Variants in LAMA2 observed in about 807,000 individuals in gnomAD.
LAMA2 encodes laminin subunit alpha 2.
A neutral mutation model predicts 364.8 loss-of-function variants in LAMA2; 269 were observed. That is an observed-to-expected ratio of 0.74 (90% confidence interval 0.67 to 0.82). The LOEUF (loss-of-function observed/expected upper bound fraction) is 0.82, where lower values mean the gene tolerates loss of function less well. LAMA2 is among the 40% of genes least tolerant of loss of function. LAMA2 has a pLI of 0.00. For missense variants in LAMA2, 3,807 were observed against 3,873.2 expected (o/e 0.98, Z 0.45); for synonymous variants, 1,379 against 1,370.6 (o/e 1.01, Z -0.14).
rs1407519361 is a variant in LAMA2 at position 128,908,391 on chromosome 6, C to T, written c.112+25034C>T. Among the ~76,000 whole-genome samples, 22 of 150,178 alleles carry T rather than the reference C, an allele frequency of 1.5e-4. No individual in the cohort carries two copies. The East Asian group carries it at 4.3e-3, about 29-fold the overall frequency. On this transcript the variant is annotated intron_variant, in intron 1 of 64. Coordinates refer to ENST00000421865, the MANE Select transcript of LAMA2 (RefSeq NM_000426.4). ...GAGTGTATGTGTCGAGGAATTTATC[C>T]ATTTCTTCTAGATTTTCTAGTTTAT...
chr6:129,157,742 C>T (rs1779200522), intron 8 of LAMA2: 1 of 1,612,314 alleles, frequency 6.2e-7, no homozygotes, highest in African/African-American at 1.3e-5. Flanking sequence ...CACTCGGTAC[C>T]ATGTTATAAT....
At chr6:129,039,771 AG>A (rs1786951977) in intron 1 of LAMA2, among the ~76,000 whole-genome samples, 1 of 152,192 alleles carries the variant, frequency 6.6e-6, no homozygotes, top group African/African-American at 2.4e-5. Context: ...TCGCATGCAC[AG>A]TTCACAATAT....
At chr6:129,493,070 G>A (rs964951748) in intron 58 of LAMA2, among the ~76,000 whole-genome samples, 7 of 152,150 alleles carry the variant, frequency 4.6e-5, no homozygotes, top group African/African-American at 1.2e-4. Flanking sequence ...CAGGAGAATC[G>A]CTTGAACCCA....
Position 129,502,703 on chromosome 6 carries a change from C to G in LAMA2, c.8289C>G (p.Ser2763Arg). The change falls in exon 59 of 65, where the codon AGC becomes AGG. Residue 2763 changes from serine to arginine, a missense_variant. Around this residue, in one of 3 missense-constraint regions of LAMA2, gnomAD observed 3,333 missense variants for 3,345.7 expected, o/e 1.00. Coordinates refer to ENST00000421865, the MANE Select transcript of LAMA2 (RefSeq NM_000426.4). ...AESEPALLIG[S>R]KQFGLSRNSH... is the part of the protein sequence containing the mutation. ...CAGAACCAGCTCTTTTGATAGGGAG[C>G]AAGCAGTTCGGGCTTTCAAGAAACA... The G allele has an allele frequency of 6.2e-7, 1 of 1,614,040 alleles. No individual in the cohort carries two copies. Among genetic ancestry groups the G allele is most frequent in the Non-Finnish European group, 8.5e-7 (1 of 1,179,934 alleles).
intron 34 of LAMA2, among the ~76,000 whole-genome samples, chr6:129,372,201 C>T (rs1778128203): frequency 6.6e-6 from 1 of 152,136 alleles, no homozygotes; most frequent in South Asian, 2.1e-4. Context: ...TGGTATTGTA[C>T]ATTCTATGGG....
chr6:129,093,056 A>G (rs1349192825), intron 3 of LAMA2, among the ~76,000 whole-genome samples: 1 of 150,650 alleles, frequency 6.6e-6, no homozygotes, highest in African/African-American at 2.4e-5. Flanking sequence ...ATCTCGGCTC[A>G]CTGCAACCTC....
intron 12 of LAMA2, among the ~76,000 whole-genome samples, chr6:129,224,694 G>A (rs989900203): frequency 2.2e-4 from 33 of 152,132 alleles, no homozygotes; most frequent in Non-Finnish European, 4.1e-4. Context: ...CCACTTGATC[G>A]TGGTGGATAA....
chr6:129,441,805 C>T (rs2114767376), intron 43 of LAMA2, among the ~76,000 whole-genome samples: 1 of 152,026 alleles, frequency 6.6e-6, no homozygotes, highest in South Asian at 2.1e-4. Context: ...ATAGCAAGAC[C>T]CCATCTTTAC....
intron 2 of LAMA2, among the ~76,000 whole-genome samples, chr6:129,056,219 C>T (rs1367134894): frequency 1.3e-5 from 2 of 152,088 alleles, no homozygotes; most frequent in Non-Finnish European, 2.9e-5. Context: ...GAAGAAGTGC[C>T]AACAATATTT....
At chr6:129,356,696 T>C (rs1447940416) in intron 32 of LAMA2, among the ~76,000 whole-genome samples, 1 of 152,140 alleles carries the variant, frequency 6.6e-6, no homozygotes, top group Non-Finnish European at 1.5e-5. Flanking sequence ...TTTATTCATT[T>C]ACTGCTTCCA....
rs995380040 is a variant in LAMA2, at chr6:129,402,520, T to G, written c.5726+33T>G. ...ATTTGTTTTTGGAAATGTTTGTGTA[T>G]TTTGATGCTTGTCCAAAGGTTTTGA... On this transcript the variant is annotated intron_variant, in intron 39 of 64. Coordinates refer to ENST00000421865, the MANE Select transcript of LAMA2 (RefSeq NM_000426.4). 6 of 1,603,018 alleles carry G rather than the reference T, an allele frequency of 3.7e-6. No homozygotes were observed. The African/African-American group carries it at 8.0e-5, about 21-fold the overall frequency.
intron 23 of LAMA2, among the ~76,000 whole-genome samples, chr6:129,314,398 CAAAAAAAA>C (rs3062342): frequency 1.5e-4 from 12 of 81,890 alleles, no homozygotes; most frequent in East Asian, 7.5e-4. Context: ...GACTCCGTCT[CAAAAAAAA>C]AAAAAAAAAA....
chr6:129,302,779 T>C (rs1773626592), intron 22 of LAMA2, among the ~76,000 whole-genome samples: 1 of 152,130 alleles, frequency 6.6e-6, no homozygotes, highest in Non-Finnish European at 1.5e-5. Flanking sequence ...ACTATATATA[T>C]GTTTATGCAT....
rs187394090 is a variant in LAMA2, at chr6:129,126,696, T to A, written c.640-17205T>A. Among the ~76,000 whole-genome samples, 143 of 152,100 alleles carry A rather than the reference T, an allele frequency of 9.4e-4. No homozygotes were observed. The Middle Eastern group carries it at 0.01, about 11-fold the overall frequency. On this transcript the variant is annotated intron_variant, in intron 4 of 64. Coordinates refer to ENST00000421865, the MANE Select transcript of LAMA2 (RefSeq NM_000426.4). Reference sequence around the variant, plus strand: ...CTGAATATATCATCAATACAAATTTTAAAAAAAATAAGTTTGTAAATTCAG... The same window carrying A: ...CTGAATATATCATCAATACAAATTTAAAAAAAAATAAGTTTGTAAATTCAG...
chr6:129,170,000 G>A (rs1183826959), intron 9 of LAMA2, among the ~76,000 whole-genome samples: 1 of 151,412 alleles, frequency 6.6e-6, no homozygotes, highest in Non-Finnish European at 1.5e-5. Context: ...TGTGGGATCC[G>A]TGGTGATATC....
intron 1 of LAMA2, among the ~76,000 whole-genome samples, chr6:129,004,487 C>T (rs570789101): frequency 1.2e-4 from 18 of 149,224 alleles, no homozygotes; most frequent in Non-Finnish European, 2.5e-4. Flanking sequence ...TCACTACTTA[C>T]TGACTTGCAC....
chr6:129,422,553 G>A (rs1284652670), intron 40 of LAMA2, among the ~76,000 whole-genome samples: 1 of 152,068 alleles, frequency 6.6e-6, no homozygotes, highest in African/African-American at 2.4e-5. Flanking sequence ...AGATAGTAAA[G>A]GATGTTAAGA....
chr6:129,346,163 T>C (rs1349093808), intron 30 of LAMA2, among the ~76,000 whole-genome samples: 1 of 152,170 alleles, frequency 6.6e-6, no homozygotes, highest in Non-Finnish European at 1.5e-5. Flanking sequence ...AAGTTTCCAG[T>C]GCCTTCCCAA....
intron 47 of LAMA2, among the ~76,000 whole-genome samples, chr6:129,455,503 T>G (rs1782914104): frequency 6.6e-6 from 1 of 152,192 alleles, no homozygotes; most frequent in Non-Finnish European, 1.5e-5. Flanking sequence ...TACCATGTAT[T>G]TCACTTAACA....
Sources: gnomAD v4.1 joint callset for allele counts (sites outside exome capture counted in the v4.1 genomes callset) on GRCh38, gnomAD v4.1.1 for gene constraint, gnomAD v4.1.1 regional missense constraint, MANE v1.5 for transcripts, NCBI Gene and HGNC (gene_info 2026-07-23, HGNC 2026-07-21) for gene names.